Variants in POLR2I observed in about 807,000 individuals in gnomAD.
POLR2I encodes the protein DNA-directed RNA polymerase II subunit RPB9.
A neutral mutation model predicts 23.0 loss-of-function variants in POLR2I; 15 were observed. The ratio of observed to expected loss-of-function variants is 0.65; its 90% CI spans 0.44 to 1.00. The LOEUF is 1.00. POLR2I is among the 50% of genes least tolerant of loss of function. The pLI is 0.00. For synonymous variants in POLR2I, 72 were observed against 65.4 expected (o/e 1.10, Z -0.49); for missense variants, 120 against 173.7 (o/e 0.69, Z 1.74).
chr19:36,113,880 C>T, intron 5 of POLR2I, 63 bp from the exon 6 acceptor site: 1 of 1,597,844 alleles, frequency 6.3e-7, no homozygotes, highest in Non-Finnish European at 8.6e-7. Context: ...CCCAAAAGAA[C>T]AGGCAAGAGA....
chr19:36,114,232 C>T lies in POLR2I; in HGVS notation c.208G>A (p.Ala70Thr). 2 of 1,613,996 alleles carry T rather than the reference C, an allele frequency of 1.2e-6. No individual in the cohort carries two copies. Among genetic ancestry groups the T allele is most frequent in the Non-Finnish European group, 1.7e-6 (2 of 1,179,986 alleles). ...AACGTGGGGTCCTGGGACACGTCGGCGATAATCTGGGTCAGTTCGCTGCAG... is the reference window on the plus strand; with the variant it reads ...AACGTGGGGTCCTGGGACACGTCGGTGATAATCTGGGTCAGTTCGCTGCAG... ...HEVDELTQII[A>T]DVSQDPTLPR... Residue 70 changes from alanine to threonine, a missense_variant, in exon 4 of 6, where the codon GCC becomes ACC. Coordinates refer to ENST00000221859, the MANE Select transcript of POLR2I (RefSeq NM_006233.5). This position sits in a 1 kb window ranked among gnomAD's most constrained non-coding sequence, Gnocchi z 4.5.
rs1248821718 is a variant in POLR2I, at chr19:36,114,308, C to G, written c.188+31G>C. 6.2e-7 allele frequency: 1 copy of G among 1,613,540 alleles called. No individual in the cohort carries two copies. Among genetic ancestry groups the G allele is most frequent in the East Asian group, 2.2e-5 (1 of 44,868 alleles). ...CAGACCCAGCCTCCAGAGCCAACAC[C>G]CCCGCCCCCAGCTCAGGGCCCGCCA... On this transcript the variant is annotated intron_variant, in intron 3 of 5. Coordinates refer to ENST00000221859, the MANE Select transcript of POLR2I (RefSeq NM_006233.5). The surrounding 1 kb of genome is among the most constrained non-coding windows in gnomAD (Gnocchi z 4.5).
Position 36,113,780 on chromosome 19 carries a change from T to C in POLR2I, c.353A>G (p.His118Arg). The change falls in exon 6 of 6, where the codon CAC becomes CGC. Residue 118 changes from histidine to arginine, a missense_variant. Physicochemically the swap from His to Arg is conservative, Grantham distance 29 (BLOSUM62 0). Coordinates refer to ENST00000221859, the MANE Select transcript of POLR2I (RefSeq NM_006233.5). ...MRLYYVCTAPHCGHRWTE is the reference protein window; with the variant it reads ...MRLYYVCTAPRCGHRWTE ...TCACTCGGTCCAGCGGTGGCCGCAG[T>C]GTGGGGCTGTGCACACGTAGTAAAG... is the stretch of plus-strand genomic sequence containing the variant. 6.2e-7 allele frequency: 1 copy of C among 1,613,422 alleles called. No individual in the cohort carries two copies. Among genetic ancestry groups the C allele is most frequent in the Non-Finnish European group, 8.5e-7 (1 of 1,179,960 alleles).
chr19:36,114,074 G>A lies in POLR2I; in HGVS notation c.264-8C>T, dbSNP rs931965116. 9 of 1,613,892 alleles carry A rather than the reference G, an allele frequency of 5.6e-6. No individual in the cohort carries two copies. Among genetic ancestry groups the A allele is most frequent in the African/African-American group, 4.0e-5 (3 of 74,910 alleles). ...GCCTCCTTGTGGCCGCACCTGAGAG[G>A]GTAGGGGCTCGGTCACCGGAGGCTT... On this transcript the variant is annotated splice_polypyrimidine_tract_variant and splice_region_variant and intron_variant, in intron 4 of 5. Coordinates refer to ENST00000221859, the MANE Select transcript of POLR2I (RefSeq NM_006233.5). The surrounding 1 kb of genome is among the most constrained non-coding windows in gnomAD (Gnocchi z 4.5).
rs1329978408 is a variant in POLR2I at position 36,114,179 on chromosome 19, T to A, written c.261A>T (p.Gln87His). ...CCCAGTACCAGCTGAACGCTCACTT[T>A]TGGCACGGGTGGTCCTCGGTCCGCG... ...TLPRTEDHPC[Q>H]KCGHKEAVFF... The change falls in exon 4 of 6, where the codon CAA (glutamine) becomes CAT (histidine). Residue 87 changes from glutamine (Q) to histidine (H), a missense_variant and splice_region_variant. By Grantham distance (24) the Gln-to-His change is conservative. Coordinates refer to ENST00000221859, the MANE Select transcript of POLR2I (RefSeq NM_006233.5). The surrounding 1 kb of genome is among the most constrained non-coding windows in gnomAD (Gnocchi z 4.5). 1 of 1,613,984 alleles carries A rather than the reference T, an allele frequency of 6.2e-7. No individual in the cohort carries two copies. The highest frequency in any genetic ancestry group is 8.5e-7 in the Non-Finnish European group (1 of 1,180,008).
At position 36,114,577 on chromosome 19, in the gene POLR2I, G is replaced by A; in HGVS notation, c.114+82C>T. On this transcript the variant is annotated intron_variant, in intron 2 of 5. Transcript: ENST00000221859. The surrounding 1 kb of genome is among the most constrained non-coding windows in gnomAD (Gnocchi z 4.5). ...TTGAGGTGCAGCGGAGGGCGAACAG[G>A]GAGTCCGATCACAGAGGCAGGGGGC... The A allele has an allele frequency of 7.1e-7, 1 of 1,405,038 alleles. No homozygotes were observed. The highest frequency in any genetic ancestry group is 1.0e-6 in the Non-Finnish European group (1 of 1,002,326). The allele number at this position is 1,405,038 out of a possible 1,614,324, so 87.0% of individuals were successfully genotyped here.
At position 36,114,610 on chromosome 19, in the gene POLR2I, G is replaced by A. The variant is rs202044151; in HGVS notation, c.114+49C>T. ...ATCACAGAGGCAGGGGGCAGGGCGGGGCCACGCTGGGAACAGGTGGACCTG... is the reference window on the plus strand; with the variant it reads ...ATCACAGAGGCAGGGGGCAGGGCGGAGCCACGCTGGGAACAGGTGGACCTG... On this transcript the variant is annotated intron_variant, in intron 2 of 5. Coordinates refer to ENST00000221859, the MANE Select transcript of POLR2I (RefSeq NM_006233.5). This position sits in a 1 kb window ranked among gnomAD's most constrained non-coding sequence, Gnocchi z 4.5. 83 of 1,560,466 alleles carry A rather than the reference G, an allele frequency of 5.3e-5. No homozygotes were observed. The highest frequency in any genetic ancestry group is 5.1e-4 in the Middle Eastern group (3 of 5,854).
Position 36,113,790 on chromosome 19 carries a change from T to C in POLR2I, c.343A>G (p.Thr115Ala), listed in dbSNP as rs750948687. 2 of 1,613,262 alleles carry C rather than the reference T, an allele frequency of 1.2e-6. No homozygotes were observed. The highest frequency in any genetic ancestry group is 8.5e-7 in the Non-Finnish European group (1 of 1,179,928). The change falls in exon 6 of 6, where the codon ACA becomes GCA. Residue 115 changes from threonine to alanine, a missense_variant. By Grantham distance (58) the Thr-to-Ala change is moderately conservative. Transcript: ENST00000221859. ...EDAMRLYYVC[T>A]APHCGHRWTE ...CAGCGGTGGCCGCAGTGTGGGGCTG[T>C]GCACACGTAGTAAAGGCGCATGGCG...
chr19:36,114,081 G>T lies in POLR2I; in HGVS notation c.264-15C>A. ...TGTGGCCGCACCTGAGAGGGTAGGG[G>T]CTCGGTCACCGGAGGCTTCACACCC... On this transcript the variant is annotated splice_polypyrimidine_tract_variant and intron_variant, in intron 4 of 5. Transcript: ENST00000221859. This position sits in a 1 kb window ranked among gnomAD's most constrained non-coding sequence, Gnocchi z 4.5. 6.2e-7 allele frequency: 1 copy of T among 1,613,948 alleles called. No individual in the cohort carries two copies. The highest frequency in any genetic ancestry group is 8.5e-7 in the Non-Finnish European group (1 of 1,179,912).
chr19:36,113,856 C>T (rs778376134), intron 5 of POLR2I, 39 bp from the exon 6 acceptor site: 2 of 1,607,992 alleles, frequency 1.2e-6, no homozygotes, highest in South Asian at 1.1e-5. Flanking sequence ...GATTTGGACC[C>T]AGCAGCGCCT....
Position 36,114,706 on chromosome 19 carries a change from T to C in POLR2I, c.67A>G (p.Met23Val), listed in dbSNP as rs777407692. 6.2e-7 allele frequency: 1 copy of C among 1,613,054 alleles called. No homozygotes were observed. The highest frequency in any genetic ancestry group is 8.5e-7 in the Non-Finnish European group (1 of 1,179,100). ...GIRFCQECNN[M>V]LYPKEDKENR... ...TCCTTGTCTTCCTTGGGGTACAGCA[T>C]GTTGTTACTGTGGGGAGGGGGAGGT... The change falls in exon 2 of 6, where the codon ATG becomes GTG. Residue 23 changes from methionine to valine, a missense_variant. By Grantham distance (21) the Met-to-Val change is conservative (BLOSUM62 1). Coordinates refer to ENST00000221859, the MANE Select transcript of POLR2I (RefSeq NM_006233.5). The surrounding 1 kb of genome is among the most constrained non-coding windows in gnomAD (Gnocchi z 4.5).
Position 36,114,496 on chromosome 19 carries a change from G to T in POLR2I, c.115-84C>A. 1 of 1,405,068 alleles carries T rather than the reference G, an allele frequency of 7.1e-7. No individual in the cohort carries two copies. The highest frequency in any genetic ancestry group is 1.2e-5 in the South Asian group (1 of 86,678). The allele number at this position is 1,405,068 out of a possible 1,614,324, so 87.0% of individuals were successfully genotyped here. On this transcript the variant is annotated intron_variant, in intron 2 of 5. Coordinates refer to ENST00000221859, the MANE Select transcript of POLR2I (RefSeq NM_006233.5). The surrounding 1 kb of genome is among the most constrained non-coding windows in gnomAD (Gnocchi z 4.5). ...GAGGAGAGGGCAGGGTGATCCCGGA[G>T]GATATGACGACAGGACTCTCTTTGG...
At chr19:36,113,880 C>G in intron 5 of POLR2I, 63 bp from the exon 6 acceptor site, 1 of 1,597,844 alleles carries the variant, frequency 6.3e-7, no homozygotes, top group Admixed American at 1.7e-5. Context: ...CCCAAAAGAA[C>G]AGGCAAGAGA....
In POLR2I at chr19:36,114,441, G is replaced by A. The variant is rs1384592871; in HGVS notation, c.115-29C>T. ...CGAGAGGGCGAGTGTGGGGGAAAGG[G>A]GGTCACGGAAGGATTCCAGACAAGA... is the stretch of plus-strand genomic sequence containing the variant. On this transcript the variant is annotated intron_variant, in intron 2 of 5. Transcript: ENST00000221859. The surrounding 1 kb of genome is among the most constrained non-coding windows in gnomAD (Gnocchi z 4.5). 1 of 1,605,766 alleles carries A rather than the reference G, an allele frequency of 6.2e-7. No homozygotes were observed. Among genetic ancestry groups the A allele is most frequent in the East Asian group, 2.2e-5 (1 of 44,862 alleles).
chr19:36,114,622 A>C lies in POLR2I; in HGVS notation c.114+37T>G. The C allele has an allele frequency of 6.3e-7, 1 of 1,586,734 alleles. No individual in the cohort carries two copies. Among genetic ancestry groups the C allele is most frequent in the Non-Finnish European group, 8.6e-7 (1 of 1,160,628 alleles). ...GGGGGCAGGGCGGGGCCACGCTGGG[A>C]ACAGGTGGACCTGCCGGGGAAGACC... On this transcript the variant is annotated intron_variant, in intron 2 of 5. Coordinates refer to ENST00000221859, the MANE Select transcript of POLR2I (RefSeq NM_006233.5). This position sits in a 1 kb window ranked among gnomAD's most constrained non-coding sequence, Gnocchi z 4.5.
chr19:36,114,068 TGA>T lies in POLR2I; in HGVS notation c.264-4_264-3del. 6.2e-7 allele frequency: 1 copy of T among 1,614,016 alleles called. No individual in the cohort carries two copies. The highest frequency in any genetic ancestry group is 8.5e-7 in the Non-Finnish European group (1 of 1,179,968). ...AACACAGCCTCCTTGTGGCCGCACCTGAGAGGGTAGGGGCTCGGTCACCGGAG... is the reference window on the plus strand; with the variant it reads ...AACACAGCCTCCTTGTGGCCGCACCTGAGGGTAGGGGCTCGGTCACCGGAG... On this transcript the variant is annotated splice_region_variant and splice_polypyrimidine_tract_variant and intron_variant, in intron 4 of 5. Transcript: ENST00000221859. This position sits in a 1 kb window ranked among gnomAD's most constrained non-coding sequence, Gnocchi z 4.5.
chr19:36,114,236 A>C lies in POLR2I; in HGVS notation c.204T>G (p.Ile68Met). The C allele has an allele frequency of 6.2e-7, 1 of 1,613,966 alleles. No individual in the cohort carries two copies. The highest frequency in any genetic ancestry group is 1.3e-5 in the African/African-American group (1 of 74,988). ...TGGGGTCCTGGGACACGTCGGCGAT[A>C]ATCTGGGTCAGTTCGCTGCAGGGAC... ...ITHEVDELTQ[I>M]IADVSQDPTL... Residue 68 changes from isoleucine (I) to methionine (M), a missense_variant, in exon 4 of 6, where the codon ATT (isoleucine) becomes ATG (methionine). Ile to Met is a conservative substitution (Grantham distance 10, BLOSUM62 1). Coordinates refer to ENST00000221859, the MANE Select transcript of POLR2I (RefSeq NM_006233.5). The surrounding 1 kb of genome is among the most constrained non-coding windows in gnomAD (Gnocchi z 4.5).
Position 36,114,754 on chromosome 19 carries a change from A to G in POLR2I, c.60-41T>C. 1.2e-6 allele frequency: 2 copies of G among 1,613,874 alleles called. No homozygotes were observed. The highest frequency in any genetic ancestry group is 1.7e-6 in the Non-Finnish European group (2 of 1,179,768). On this transcript the variant is annotated intron_variant, in intron 1 of 5. Coordinates refer to ENST00000221859, the MANE Select transcript of POLR2I (RefSeq NM_006233.5). The surrounding 1 kb of genome is among the most constrained non-coding windows in gnomAD (Gnocchi z 4.5). ...GGTGCCAGGGGTTAGTTCTGGAGCCATTCCTCGCCCGCCTTCTAACATCAC... is the reference window on the plus strand; with the variant it reads ...GGTGCCAGGGGTTAGTTCTGGAGCCGTTCCTCGCCCGCCTTCTAACATCAC...
Position 36,114,127 on chromosome 19 carries a change from G to T in POLR2I, c.263+50C>A, listed in dbSNP as rs1377034048. On this transcript the variant is annotated intron_variant, in intron 4 of 5. Transcript: ENST00000221859. The surrounding 1 kb of genome is among the most constrained non-coding windows in gnomAD (Gnocchi z 4.5). ...CACCCTTCCCTCCTCCCTTCGCCCA[G>T]TGAGGAGACGAGCCTCACTTTACCT... 1.2e-6 allele frequency: 2 copies of T among 1,613,508 alleles called. No homozygotes were observed. The highest frequency in any genetic ancestry group is 1.6e-4 in the Middle Eastern group (1 of 6,082).
Sources: allele counts gnomAD v4.1 joint callset, GRCh38; gene constraint gnomAD v4.1.1; non-coding constraint Gnocchi (gnomAD v3.1); transcripts MANE v1.5; gene names NCBI Gene and HGNC (gene_info 2026-07-23, HGNC 2026-07-21).